NEB: variants seen among roughly 807,000 people sequenced by gnomAD.
The protein encoded by NEB is nebulin.
In NEB, 512 loss-of-function variants were observed where a neutral mutation model predicts 952.2. The observed-to-expected ratio is 0.54, with a 90% CI of 0.50 to 0.58. The LOEUF is 0.58. Ranked by LOEUF, NEB falls within the 20% of genes least tolerant of loss-of-function variation. NEB has a pLI of 0.00. For missense variants in NEB, 8,428 were observed against 9,231.1 expected, an observed-to-expected ratio of 0.91 and a Z score of 3.56; for synonymous variants, 2,900 against 3,149.8, an observed-to-expected ratio of 0.92 and a Z score of 2.66.
intron 81 of NEB, 115 bp downstream of exon 81, chr2:151,609,694 C>T (rs1339209994): frequency 2.2e-6 from 2 of 914,590 alleles, no homozygotes; most frequent in Non-Finnish European, 3.2e-6. Flanking sequence ...CCCCCAGCCC[C>T]ACCCCCAGGT....
At position 151,568,615 on chromosome 2, in the gene NEB, T is replaced by TA; in HGVS notation, c.17634+2dup. ...TGAGATTTTAAAACAGCCATATACT[T>TA]ACATCATCGAGGATCTCGCCACTTT... On this transcript the variant is annotated splice_region_variant and intron_variant, in intron 111 of 181. Transcript: ENST00000397345. The TA allele has an allele frequency of 6.3e-7, 1 of 1,599,670 alleles. No homozygotes were observed.
chr2:151,568,279 CGTACACA>C, intron 112 of NEB, 30 bp downstream of exon 112: 1 of 1,601,620 alleles, frequency 6.2e-7, no homozygotes, highest in Admixed American at 1.7e-5. Flanking sequence ...GCCCTCCACT[CGTACACA>C]AACACCAGGC....
intron 72 of NEB, among the ~76,000 whole-genome samples, chr2:151,620,353 A>ATATATATATATATATG (rs2098381767): frequency 3.4e-5 from 2 of 58,052 alleles, no homozygotes; most frequent in African/African-American, 1.0e-4. Context: ...GTGTGTATAT[A>ATATATATATATATATG]TATATATATA....
At chr2:151,495,049 A>G (rs1048252504) in intron 173 of NEB, 13 of 152,174 alleles carry the variant, frequency 8.5e-5, no homozygotes, top group African/African-American at 2.9e-4. Context: ...GGTTTCCCCT[A>G]CCCTCTTTTT....
chr2:151,527,652 C>T, intron 146 of NEB, 67 bp from the exon 147 acceptor site: 10 of 1,085,708 alleles, frequency 9.2e-6, no homozygotes, highest in Non-Finnish European at 1.4e-5. Context: ...ACACACATGG[C>T]ACAGAGGGGC....
In NEB at chr2:151,633,943, C is replaced by A; in HGVS notation, c.9125G>T (p.Cys3042Phe). ...TCCAATATGGTGGCCAAGTTGCTTG[C>A]AGTAACCATCTTTATATTTGTACTA... ...ISDYKYKDGY[C>F]KQLGHHIGAR... Residue 3042 changes from cysteine (C) to phenylalanine (F), a missense_variant, in exon 65 of 182, where the codon TGC becomes TTC. Physicochemically the swap from Cys to Phe is radical, Grantham distance 205. This residue lies in a region of NEB where 1,772 missense variants were observed against 1,960.3 expected (regional missense o/e 0.90). Coordinates refer to ENST00000397345, the MANE Select transcript of NEB (RefSeq NM_001164508.2). 1 of 1,613,258 alleles carries A rather than the reference C, an allele frequency of 6.2e-7. No homozygotes were observed. The highest frequency in any genetic ancestry group is 1.1e-5 in the South Asian group (1 of 91,072).
chr2:151,535,419 C>T (rs2092947287), intron 142 of NEB, among the ~76,000 whole-genome samples: 1 of 152,180 alleles, frequency 6.6e-6, no homozygotes, highest in Non-Finnish European at 1.5e-5. Flanking sequence ...GGTATTGTCA[C>T]CCGCAGGGCT....
intron 81 of NEB, among the ~76,000 whole-genome samples, chr2:151,608,924 A>G (rs2097799774): frequency 7.7e-6 from 1 of 130,520 alleles, no homozygotes; most frequent in Non-Finnish European, 1.8e-5. Flanking sequence ...AAAAAAAAAA[A>G]AAAAAAAAAG....
In NEB at chr2:151,697,417, T is replaced by A; in HGVS notation, c.1298A>T (p.His433Leu). ...TGGATCCTCGAAGCTGCCTACATAATGTCCCAAAATATCTTTTAAGTAGGA... is the reference window on the plus strand; with the variant it reads ...TGGATCCTCGAAGCTGCCTACATAAAGTCCCAAAATATCTTTTAAGTAGGA... ...KDSYLKDILGHYVGSFEDPYH... is the reference protein window; with the variant it reads ...KDSYLKDILGLYVGSFEDPYH... Residue 433 changes from histidine to leucine, a missense_variant, in exon 15 of 182, where the codon CAT (histidine) becomes CTT (leucine). Transcript: ENST00000397345. 1 of 1,613,954 alleles carries A rather than the reference T, an allele frequency of 6.2e-7. No individual in the cohort carries two copies. The highest frequency in any genetic ancestry group is 1.1e-5 in the South Asian group (1 of 91,060).
chr2:151,617,328 C>T (rs1366795957), intron 75 of NEB, 36 bp downstream of exon 75: 6 of 1,426,204 alleles, frequency 4.2e-6, no homozygotes, highest in Admixed American at 2.1e-5. Flanking sequence ...TTCATTTTTG[C>T]CTTTCTGTTC....
At position 151,567,453 on chromosome 2, in the gene NEB, C is replaced by T. The variant is rs1210227956; in HGVS notation, c.17871G>A (p.Lys5957=). Residue 5957 remains lysine, a synonymous_variant, in exon 114 of 182, where the codon AAG becomes AAA. Coordinates refer to ENST00000397345, the MANE Select transcript of NEB (RefSeq NM_001164508.2). The part of the protein sequence containing the change: ...SELKYKAEHV[K]QKGHYVGVPT... ...GGACACCAACATAATGACCTTTTTG[C>T]TTCACATGTTCAGCTTTGTATTTCA... 1.2e-6 allele frequency: 2 copies of T among 1,612,110 alleles called. No individual in the cohort carries two copies. The highest frequency in any genetic ancestry group is 1.7e-5 in the Admixed American group (1 of 59,694).
chr2:151,490,112 A>C (rs921926775), intron 180 of NEB, 35 bp from the exon 181 acceptor site: 20 of 1,499,576 alleles, frequency 1.3e-5, no homozygotes, highest in Non-Finnish European at 1.8e-5. Context: ...TATAAGAAGA[A>C]AAATGGCTAG....
intron 161 of NEB, among the ~76,000 whole-genome samples, chr2:151,512,374 GGACTGCAGTGGTGCAGTCACAGCT>G (rs1209390009): frequency 6.6e-6 from 1 of 150,514 alleles, no homozygotes; most frequent in Non-Finnish European, 1.5e-5. Context: ...GTCACCCAGG[GGACTGCAGTGGTGCAGTCACAGCT>G]GACTGCAGCC....
In NEB at chr2:151,704,581, G is replaced by A. The variant is rs969391829; in HGVS notation, c.1152+2300C>T. 4.0e-5 allele frequency among the ~76,000 whole-genome samples: 6 copies of A among 151,796 alleles called. No homozygotes were observed. In the East Asian group the frequency reaches 5.8e-4, roughly 15 times the overall value. On this transcript the variant is annotated intron_variant, in intron 13 of 181. Coordinates refer to ENST00000397345, the MANE Select transcript of NEB (RefSeq NM_001164508.2). ...CTCGTGGTGCGCCGTTTTTTAAGCCGGTCAGAAAAGCGCAATATTCGGGAG... is the reference window on the plus strand; with the variant it reads ...CTCGTGGTGCGCCGTTTTTTAAGCCAGTCAGAAAAGCGCAATATTCGGGAG...
At position 151,695,561 on chromosome 2, in the gene NEB, G is replaced by C. The variant is rs764386144; in HGVS notation, c.1674+17C>G. 1.3e-6 allele frequency: 2 copies of C among 1,584,056 alleles called. No homozygotes were observed. Among genetic ancestry groups the C allele is most frequent in the Non-Finnish European group, 1.7e-6 (2 of 1,153,396 alleles). On this transcript the variant is annotated intron_variant, in intron 18 of 181. Coordinates refer to ENST00000397345, the MANE Select transcript of NEB (RefSeq NM_001164508.2). ...GGTTGTCAGTACATCACATGGTACA[G>C]GGCATAAGGAACTTACATCACTCAA...
chr2:151,519,829 A>G, intron 153 of NEB, 61 bp from the exon 154 acceptor site: 1 of 1,121,422 alleles, frequency 8.9e-7, no homozygotes, highest in Non-Finnish European at 1.4e-6. Flanking sequence ...GGAATTGGGG[A>G]ATAGTAGAAA....
At chr2:151,673,389 G>T (rs1342130112) in intron 36 of NEB, among the ~76,000 whole-genome samples, 1 of 150,454 alleles carries the variant, frequency 6.6e-6, no homozygotes, top group Non-Finnish European at 1.5e-5. Context: ...GCAGGCAAAA[G>T]GATCGTCAAG....
At chr2:151,528,054 G>T (rs1215032335) in intron 146 of NEB, among the ~76,000 whole-genome samples, 1 of 152,168 alleles carries the variant, frequency 6.6e-6, no homozygotes, top group African/African-American at 2.4e-5. Context: ...ACAACTGCAT[G>T]AAATAGACAG....
chr2:151,521,318 A>T (rs2081836665), intron 153 of NEB, among the ~76,000 whole-genome samples: 1 of 152,242 alleles, frequency 6.6e-6, no homozygotes, highest in South Asian at 2.1e-4. Context: ...GTTCAGCATG[A>T]TGCAGGCACA....
Sources: allele counts gnomAD v4.1 joint callset (sites outside exome capture counted in the v4.1 genomes callset), GRCh38; gene constraint gnomAD v4.1.1; regional missense constraint gnomAD v4.1.1; transcripts MANE v1.5; gene names NCBI Gene and HGNC (gene_info 2026-07-23, HGNC 2026-07-21).